Variants in ZSCAN5A observed in about 807,000 individuals in gnomAD.
ZSCAN5A encodes zinc finger and SCAN domain-containing protein 5A.
A neutral mutation model predicts 23.7 loss-of-function variants in ZSCAN5A; 12 were observed. That is an observed-to-expected ratio of 0.51 (90% CI 0.32 to 0.82). The LOEUF (loss-of-function observed/expected upper bound fraction) is 0.82. Among genes scored for constraint, ZSCAN5A ranks in the 40% least tolerant of loss-of-function variants. The pLI, the probability that ZSCAN5A is intolerant of heterozygous loss-of-function variation, is 0.03. For synonymous variants in ZSCAN5A, 257 were observed against 239.9 expected (o/e 1.07, Z -0.66); for missense variants, 597 against 617.9 (o/e 0.97, Z 0.36).
chr19:56,300,572 A>G (rs1345233800), intron 2 of ZSCAN5A, among the ~76,000 whole-genome samples: 1 of 152,232 alleles, frequency 6.6e-6, no homozygotes, highest in East Asian at 1.9e-4. Flanking sequence ...TGCTGGCCGC[A>G]GGCTTACTTA....
At chr19:56,327,738 C>G (rs2041448539) in intron 2 of ZSCAN5A, among the ~76,000 whole-genome samples, 1 of 151,478 alleles carries the variant, frequency 6.6e-6, no homozygotes, top group Non-Finnish European at 1.5e-5. Context: ...CAATTTTACA[C>G]ATCTACTAAT....
At chr19:56,269,774 C>T (rs1213513806) in intron 2 of ZSCAN5A, among the ~76,000 whole-genome samples, 2 of 152,168 alleles carry the variant, frequency 1.3e-5, no homozygotes, top group African/African-American at 2.4e-5. Context: ...GGAATGTGGG[C>T]AGCCTGTAGA....
upstream of ZSCAN5A, chr19:56,316,336 C>G (rs1034170854): frequency 6.6e-6 from 1 of 152,308 alleles, no homozygotes; most frequent in Non-Finnish European, 1.5e-5. Flanking sequence ...AAATCCCGGT[C>G]AGTAGTTCCG....
intron 2 of ZSCAN5A, chr19:56,247,353 C>A (rs368405699): frequency 3.4e-5 from 8 of 233,158 alleles, no homozygotes; most frequent in East Asian, 1.3e-4. Context: ...ACAGGAAGAA[C>A]CTGAACGAGC....
At chr19:56,322,925 C>T (rs2041392665) in intron 2 of ZSCAN5A, among the ~76,000 whole-genome samples, 2 of 132,886 alleles carry the variant, frequency 1.5e-5, no homozygotes, top group South Asian at 2.4e-4. Flanking sequence ...GACAGAGTCT[C>T]GCTCTGTCGC....
chr19:56,295,544 G>A (rs1196919716), intron 2 of ZSCAN5A, among the ~76,000 whole-genome samples: 1 of 152,098 alleles, frequency 6.6e-6, no homozygotes, highest in African/African-American at 2.4e-5. Flanking sequence ...GCAGTGAGCC[G>A]AGATCGTCCC....
At chr19:56,339,376 G>A (rs1330326258) in intron 2 of ZSCAN5A, among the ~76,000 whole-genome samples, 19 of 132,562 alleles carry the variant, frequency 1.4e-4, no homozygotes, top group African/African-American at 3.8e-4. Flanking sequence ...GGCTGTAGCC[G>A]CATTTAGCAA....
intron 1 of ZSCAN5A, among the ~76,000 whole-genome samples, chr19:56,366,215 G>A (rs2147473351): frequency 6.6e-6 from 1 of 152,150 alleles, no homozygotes; most frequent in Middle Eastern, 3.4e-3. Flanking sequence ...AGGCCGAGGC[G>A]GGCGGATCAC....
At position 56,225,029 on chromosome 19, in the gene ZSCAN5A, T is replaced by G; in HGVS notation, c.18A>C (p.Thr6=). The stretch of plus-strand genomic sequence containing the variant: ...AGGATTCTCCTAGACTCCATGAGGA[T>G]GTGCAATTTGCAGCCATATCTAGTG... MAANC[T]SSWSLGESCN... The change falls in exon 3 of 6, where the codon ACA becomes ACC. Residue 6 remains threonine, a synonymous_variant. Coordinates refer to ENST00000683990, the MANE Select transcript of ZSCAN5A (RefSeq NM_001322064.3). The G allele has an allele frequency of 1.3e-6, 2 of 1,599,774 alleles. No individual in the cohort carries two copies. The highest frequency in any genetic ancestry group is 1.1e-5 in the South Asian group (1 of 89,598).
chr19:56,302,156 T>G, intron 2 of ZSCAN5A: 1 of 1,181,088 alleles, frequency 8.5e-7, no homozygotes, highest in Non-Finnish European at 1.1e-6. Flanking sequence ...AGGAGGGAAG[T>G]GGGGGCACAG....
At chr19:56,269,575 T>C (rs1349293470) in intron 2 of ZSCAN5A, among the ~76,000 whole-genome samples, 1 of 152,138 alleles carries the variant, frequency 6.6e-6, no homozygotes, top group African/African-American at 2.4e-5. Flanking sequence ...ACAAAGGATC[T>C]TGTAAGTGAA....
At chr19:56,320,615 A>T (rs565755272) in intron 2 of ZSCAN5A, 205 of 631,528 alleles carry the variant, frequency 3.2e-4, no homozygotes, top group Non-Finnish European at 4.8e-4. Flanking sequence ...TCTGTCTCAA[A>T]AATAATAATA....
intron 2 of ZSCAN5A, among the ~76,000 whole-genome samples, chr19:56,273,550 C>T (rs2038016019): frequency 6.6e-6 from 1 of 152,118 alleles, no homozygotes; most frequent in African/African-American, 2.4e-5. Context: ...CTAGAAAAGT[C>T]ACATTTGAGG....
At chr19:56,277,323 C>G (rs2038340477) in intron 2 of ZSCAN5A, among the ~76,000 whole-genome samples, 1 of 152,258 alleles carries the variant, frequency 6.6e-6, no homozygotes, top group Middle Eastern at 3.4e-3. Flanking sequence ...AGAGTGTGGT[C>G]TATGCATACA....
intron 2 of ZSCAN5A, chr19:56,342,375 C>T: frequency 5.6e-6 from 1 of 178,778 alleles, no homozygotes; most frequent in Non-Finnish European, 1.2e-5. Flanking sequence ...TTGTTTATAT[C>T]ATTGTAGATA....
chr19:56,308,560 G>A (rs2040846885), intron 2 of ZSCAN5A, among the ~76,000 whole-genome samples: 1 of 151,888 alleles, frequency 6.6e-6, no homozygotes, highest in Admixed American at 6.6e-5. Flanking sequence ...CTGACCTCAG[G>A]TGACCCACCC....
intron 2 of ZSCAN5A, among the ~76,000 whole-genome samples, chr19:56,339,235 T>A (rs1036893357): frequency 1.3e-5 from 2 of 152,276 alleles, no homozygotes; most frequent in Non-Finnish European, 2.9e-5. Context: ...GGAGCAGTTG[T>A]AGCCGTATTT....
upstream of ZSCAN5A, among the ~76,000 whole-genome samples, chr19:56,316,997 C>T (rs984401787): frequency 2.0e-5 from 3 of 152,162 alleles, no homozygotes; most frequent in Admixed American, 2.0e-4. Flanking sequence ...CCACCACCTG[C>T]AGCTAATTTC....
rs970007609 is a variant in ZSCAN5A at position 56,284,062 on chromosome 19, C to T, written c.-128+29221G>A. ...TGTGGATTCTACTTCCCAATCTGTTCCCAGCCCCCAGCATCTGACCTCGTT... is the reference window on the plus strand; with the variant it reads ...TGTGGATTCTACTTCCCAATCTGTTTCCAGCCCCCAGCATCTGACCTCGTT... On this transcript the variant is annotated intron_variant, in intron 2 of 5. Coordinates refer to ENST00000683990, the MANE Select transcript of ZSCAN5A (RefSeq NM_001322064.3). 10 of 458,500 alleles carry T rather than the reference C, an allele frequency of 2.2e-5. No homozygotes were observed. In the East Asian group the frequency reaches 7.4e-4, roughly 34 times the overall value. The allele number at this position is 458,500 out of a possible 1,614,324, so 28.4% of individuals were successfully genotyped here. A position where few individuals can be genotyped will look rare whatever the true frequency, so the allele number is the denominator to read the frequency against.
Sources: gnomAD v4.1 joint callset for allele counts (sites outside exome capture counted in the v4.1 genomes callset) on GRCh38, gnomAD v4.1.1 for gene constraint, MANE v1.5 for transcripts, NCBI Gene and HGNC (gene_info 2026-07-23, HGNC 2026-07-21) for gene names.